The following CAPN13 variants were observed in gnomAD, a reference collection of about 807,000 sequenced individuals.
The protein encoded by CAPN13 is calpain-13.
CAPN13 carries 90 observed loss-of-function variants against 98.4 expected under a neutral mutation model. That is an observed-to-expected ratio of 0.92 (90% CI 0.77 to 1.09). CAPN13 has a LOEUF of 1.09. Ranked by LOEUF, CAPN13 falls within the 50% of genes least tolerant of loss-of-function variation. The pLI, the probability that CAPN13 is intolerant of heterozygous loss-of-function variation, is 0.00. For missense variants in CAPN13, 887 were observed against 841.3 expected, an observed-to-expected ratio of 1.05 and a Z score of -0.67; for synonymous variants, 330 against 305.5, an observed-to-expected ratio of 1.08 and a Z score of -0.84.
chr2:30,791,609 T>G (rs1674609282), intron 1 of CAPN13, among the ~76,000 whole-genome samples: 1 of 152,248 alleles, frequency 6.6e-6, no homozygotes. Flanking sequence ...TTCACACATA[T>G]AACCAGTAAG....
intron 4 of CAPN13, among the ~76,000 whole-genome samples, chr2:30,774,167 CA>C (rs1673558217): frequency 3.3e-5 from 5 of 151,906 alleles, no homozygotes; most frequent in Admixed American, 2.6e-4. Flanking sequence ...CTTTTTATAT[CA>C]AAACCTATGG....
intron 5 of CAPN13, among the ~76,000 whole-genome samples, chr2:30,764,518 T>C (rs182352231): frequency 6.6e-6 from 1 of 152,294 alleles, no homozygotes; most frequent in Non-Finnish European, 1.5e-5. Context: ...CTTCCTGCCC[T>C]GGTCCCCCAG....
At chr2:30,731,465 C>A in intron 20 of CAPN13, 66 bp from the exon 21 acceptor site, 2 of 1,401,090 alleles carry the variant, frequency 1.4e-6, no homozygotes, top group South Asian at 1.3e-5. Context: ...TCAGGGGAGG[C>A]AGGCCTGGGC....
At position 30,787,186 on chromosome 2, in the gene CAPN13, A is replaced by G. The variant is rs200978819; in HGVS notation, c.140T>C (p.Ile47Thr). The G allele has an allele frequency of 7.5e-6, 12 of 1,597,612 alleles. No individual in the cohort carries two copies. The highest frequency in any genetic ancestry group is 5.4e-5 in the African/African-American group (4 of 74,654). The change falls in exon 2 of 23, where the codon ATA (isoleucine) becomes ACA (threonine). Residue 47 changes from isoleucine to threonine, a missense_variant. Coordinates refer to ENST00000295055, the MANE Select transcript of CAPN13 (RefSeq NM_144575.3). ...TTTTTCCTGGAGCAGCTTCTGGCCTATGGAAGAATCTGCTGCAGGGAATGT... is the reference window on the plus strand; with the variant it reads ...TTTTTCCTGGAGCAGCTTCTGGCCTGTGGAAGAATCTGCTGCAGGGAATGT... ...DETFPAADSS[I>T]GQKLLQEKRL...
At chr2:30,781,285 T>C (rs1480689203) in intron 2 of CAPN13, among the ~76,000 whole-genome samples, 1 of 152,252 alleles carries the variant, frequency 6.6e-6, no homozygotes, top group African/African-American at 2.4e-5. Flanking sequence ...GGCAGCATCT[T>C]CTCAACTTTA....
At chr2:30,763,871 G>A (rs1672969348) in intron 6 of CAPN13, among the ~76,000 whole-genome samples, 1 of 152,226 alleles carries the variant, frequency 6.6e-6, no homozygotes, top group Non-Finnish European at 1.5e-5. Flanking sequence ...GACTTGTCGA[G>A]CCACTTATGA....
At chr2:30,737,974 CACA>C (rs1360201946) in intron 17 of CAPN13, 1 of 282,848 alleles carries the variant, frequency 3.5e-6, no homozygotes, top group African/African-American at 2.2e-5. Context: ...AGGACACACA[CACA>C]CACACACACA....
intron 1 of CAPN13, among the ~76,000 whole-genome samples, chr2:30,804,009 T>A (rs1160147879): frequency 6.6e-6 from 1 of 152,204 alleles, no homozygotes; most frequent in African/African-American, 2.4e-5. Context: ...TCCCTTATAC[T>A]GCAGAGTTTT....
At chr2:30,738,198 G>A (rs377630629) in intron 17 of CAPN13, 37 bp downstream of exon 17, 1 of 1,612,094 alleles carries the variant, frequency 6.2e-7, no homozygotes, top group Non-Finnish European at 8.5e-7. Context: ...GAGCTGAGGG[G>A]TGCTCAGAGC....
At chr2:30,767,130 C>T (rs985658475) in intron 5 of CAPN13, among the ~76,000 whole-genome samples, 3 of 152,236 alleles carry the variant, frequency 2.0e-5, no homozygotes. Flanking sequence ...ACCCCATCCT[C>T]ATCTGCATGT....
intron 11 of CAPN13, among the ~76,000 whole-genome samples, chr2:30,748,816 A>G (rs1281855747): frequency 6.6e-6 from 1 of 152,200 alleles, no homozygotes; most frequent in East Asian, 1.9e-4. Flanking sequence ...AGGCACCTCA[A>G]AACTACTGTG....
At position 30,732,569 on chromosome 2, in the gene CAPN13, G is replaced by C; in HGVS notation, c.1799-3C>G. 2 of 1,605,892 alleles carry C rather than the reference G, an allele frequency of 1.2e-6. No individual in the cohort carries two copies. Among genetic ancestry groups the C allele is most frequent in the Non-Finnish European group, 1.7e-6 (2 of 1,177,100 alleles). ...GATGAAGATCCCTCTGAGGAAGTCT[G>C]GGGCCACAGGTGAACGAGTGAGTGA... On this transcript the variant is annotated splice_polypyrimidine_tract_variant and splice_region_variant and intron_variant, in intron 19 of 22. Transcript: ENST00000295055.
intron 19 of CAPN13, 54 bp downstream of exon 19, chr2:30,734,395 C>T (rs370547240): frequency 2.9e-5 from 40 of 1,366,218 alleles, no homozygotes; most frequent in Non-Finnish European, 4.2e-5. Context: ...GGGGTGTGGG[C>T]ATCACCCCCC....
chr2:30,734,491 C>A lies in CAPN13; in HGVS notation c.1756G>T (p.Val586Phe). 6.2e-7 allele frequency: 1 copy of A among 1,613,984 alleles called. No homozygotes were observed. Among genetic ancestry groups the A allele is most frequent in the African/African-American group, 1.3e-5 (1 of 75,056 alleles). Residue 586 changes from valine (V) to phenylalanine (F), a missense_variant, in exon 19 of 23, where the codon GTC becomes TTC. Physicochemically the swap from Val to Phe is conservative, Grantham distance 50. Transcript: ENST00000295055. ...TTCCACAAGTCCGAGCTCAGGAGGA[C>A]TCCAGGGCTTGTCTGAACCTTCTGG... ...VFQKVQTSPG[V>F]LLSSDLWKAI... is the part of the protein sequence containing the mutation.
intron 12 of CAPN13, chr2:30,745,344 C>CT: frequency 4.0e-6 from 2 of 496,788 alleles, no homozygotes; most frequent in Non-Finnish European, 8.2e-6. Context: ...ATGCATCCTG[C>CT]TTATGGAGGA....
intron 7 of CAPN13, among the ~76,000 whole-genome samples, chr2:30,761,890 G>T (rs1672868347): frequency 6.6e-6 from 1 of 152,218 alleles, no homozygotes; most frequent in Non-Finnish European, 1.5e-5. Flanking sequence ...GGGAAAGGAG[G>T]AGAGGCCAGG....
chr2:30,734,208 T>C (rs1474119207), intron 19 of CAPN13, among the ~76,000 whole-genome samples: 1 of 152,146 alleles, frequency 6.6e-6, no homozygotes, highest in East Asian at 1.9e-4. Flanking sequence ...AGAGCTGTGC[T>C]GGGGAGGAAA....
intron 1 of CAPN13, among the ~76,000 whole-genome samples, chr2:30,792,652 T>C (rs1249887049): frequency 1.3e-5 from 2 of 151,988 alleles, no homozygotes; most frequent in East Asian, 3.9e-4. Context: ...AACACTAATC[T>C]TACGTGAACT....
rs1004794962 is a variant in CAPN13 at position 30,754,487 on chromosome 2, T to A, written c.867-123A>T. Reference sequence around the variant, plus strand: ...CCTGGGGAGCACAGGGCAAGTGTCATCCTACCTAGGACAGGACCCAGTTAT... The same window carrying A: ...CCTGGGGAGCACAGGGCAAGTGTCAACCTACCTAGGACAGGACCCAGTTAT... On this transcript the variant is annotated intron_variant, in intron 8 of 22. Coordinates refer to ENST00000295055, the MANE Select transcript of CAPN13 (RefSeq NM_144575.3). 12 of 740,436 alleles carry A rather than the reference T, an allele frequency of 1.6e-5. 1 individual carries two copies. Among genetic ancestry groups the A allele is most frequent in the Middle Eastern group, 3.5e-4 (1 of 2,828 alleles). 45.9% of individuals were successfully genotyped at this position (740,436 alleles called of 1,614,324 possible).
Sources: gnomAD v4.1 joint callset for allele counts (sites outside exome capture counted in the v4.1 genomes callset) on GRCh38, gnomAD v4.1.1 for gene constraint, MANE v1.5 for transcripts, NCBI Gene and HGNC (gene_info 2026-07-23, HGNC 2026-07-21) for gene names.